The following SOX5 variants were observed in gnomAD, a reference collection of about 807,000 sequenced individuals.
The protein encoded by SOX5 is transcription factor SOX-5.
SOX5 carries 9 observed loss-of-function variants against 92.0 expected under a neutral mutation model. The observed-to-expected ratio is 0.10, with a 90% CI of 0.06 to 0.17. SOX5 has a LOEUF of 0.17. Ranked by LOEUF, SOX5 falls within the 10% of genes least tolerant of loss-of-function variation. The probability of loss-of-function intolerance (pLI) is 1.00; values close to 1 mark genes in which losing one functional copy is unlikely to be tolerated. For missense variants in SOX5, 642 were observed against 944.5 expected (o/e 0.68, Z 4.20); for synonymous variants, 344 against 336.3 (o/e 1.02, Z -0.25).
chr12:24,397,268 A>C (rs1233977444), intron 1 of SOX5, among the ~76,000 whole-genome samples: 1 of 152,144 alleles, frequency 6.6e-6, no homozygotes, highest in African/African-American at 2.4e-5. Context: ...TGAAAAAGTA[A>C]ATACTATTTC....
intron 4 of SOX5, among the ~76,000 whole-genome samples, chr12:24,085,285 T>C (rs1475938684): frequency 6.6e-6 from 1 of 152,112 alleles, no homozygotes. Flanking sequence ...CTACACAATG[T>C]AATGTGGGCT....
intron 1 of SOX5, among the ~76,000 whole-genome samples, chr12:24,539,754 T>C (rs984483703): frequency 4.6e-5 from 7 of 152,058 alleles, no homozygotes; most frequent in Non-Finnish European, 8.8e-5. Context: ...TGGGAGGAAA[T>C]GGTGAATTTC....
chr12:24,072,766 A>C (rs1398502773), intron 4 of SOX5, among the ~76,000 whole-genome samples: 1 of 152,222 alleles, frequency 6.6e-6, no homozygotes. Context: ...ATGCCTTAAA[A>C]ATTAGCTATA....
At chr12:23,781,759 GTCTT>G (rs1200274858) in intron 3 of SOX5, among the ~76,000 whole-genome samples, 7 of 152,054 alleles carry the variant, frequency 4.6e-5, no homozygotes, top group African/African-American at 1.4e-4. Context: ...AACACAATCA[GTCTT>G]TCTTTGGAAA....
Position 24,124,576 on chromosome 12 carries a change from G to GA in SOX5, c.-2+88766dup, listed in dbSNP as rs199808317. Among the ~76,000 whole-genome samples, 502 of 123,998 alleles carry GA rather than the reference G, an allele frequency of 4.0e-3. 24 individuals are homozygous for GA. The East Asian group carries it at 0.093, about 23-fold the overall frequency. The allele number at this position is 123,998 out of a possible 152,430, so 81.3% of individuals were successfully genotyped here. A position where few individuals can be genotyped will look rare whatever the true frequency, so the allele number is the denominator to read the frequency against. On this transcript the variant is annotated intron_variant, in intron 4 of 4. Transcript: ENST00000446891. ...GAGGAATGGGACAAAAAAAAAAAAAGAAAAAAAGAAAAAGAAAAGGATTTT... is the reference window on the plus strand; with the variant it reads ...GAGGAATGGGACAAAAAAAAAAAAAGAAAAAAAAGAAAAAGAAAAGGATTTT...
intron 9 of SOX5, among the ~76,000 whole-genome samples, chr12:23,579,465 C>T (rs149900995): frequency 6.6e-6 from 1 of 152,022 alleles, no homozygotes; most frequent in African/African-American, 2.4e-5. Flanking sequence ...CAATTTTGTT[C>T]TTTTAATAAT....
intron 6 of SOX5, among the ~76,000 whole-genome samples, chr12:23,690,508 C>T (rs896372413): frequency 4.6e-5 from 7 of 152,194 alleles, no homozygotes; most frequent in African/African-American, 1.7e-4. Flanking sequence ...ACTCTTCATG[C>T]CTACTTATTT....
At chr12:24,074,680 T>C (rs1390402567) in intron 4 of SOX5, among the ~76,000 whole-genome samples, 1 of 148,410 alleles carries the variant, frequency 6.7e-6, no homozygotes, top group Non-Finnish European at 1.5e-5. Context: ...AAGTCTTAAT[T>C]TTTTCACATG....
intron 10 of SOX5, among the ~76,000 whole-genome samples, chr12:23,570,865 T>G (rs1360414497): frequency 7.6e-6 from 1 of 131,076 alleles, no homozygotes; most frequent in East Asian, 2.3e-4. Flanking sequence ...GAGCCAAGAT[T>G]GCGCCACTGC....
chr12:24,379,047 T>C (rs1017369914), intron 1 of SOX5, among the ~76,000 whole-genome samples: 13 of 152,186 alleles, frequency 8.5e-5, no homozygotes, highest in African/African-American at 2.2e-4. Flanking sequence ...CTCTTACCCA[T>C]TGGAACACGG....
intron 2 of SOX5, among the ~76,000 whole-genome samples, chr12:23,874,363 G>A (rs146807305): frequency 0.025 from 3,865 of 152,244 alleles, 63 homozygotes; most frequent in South Asian, 0.039. Context: ...TGCTGATTGT[G>A]GACTTGAGGC....
chr12:23,720,039 G>C (rs1482331510), intron 6 of SOX5, among the ~76,000 whole-genome samples: 1 of 152,178 alleles, frequency 6.6e-6, no homozygotes, highest in Non-Finnish European at 1.5e-5. Context: ...GATCATGCTT[G>C]TAATGCATTT....
At chr12:24,532,786 A>G (rs144226239) in intron 1 of SOX5, among the ~76,000 whole-genome samples, 26 of 152,324 alleles carry the variant, frequency 1.7e-4, no homozygotes, top group African/African-American at 6.0e-4. Flanking sequence ...TTCCTAAATG[A>G]TTTCATAATG....
intron 8 of SOX5, among the ~76,000 whole-genome samples, chr12:23,615,171 T>C (rs908890948): frequency 6.6e-5 from 10 of 152,168 alleles, no homozygotes; most frequent in African/African-American, 2.4e-4. Flanking sequence ...AAGTGGTATC[T>C]CGTAGTTTTA....
chr12:24,073,864 A>C (rs1942130590), intron 4 of SOX5, among the ~76,000 whole-genome samples: 1 of 152,208 alleles, frequency 6.6e-6, no homozygotes, highest in South Asian at 2.1e-4. Context: ...ATAGACAATA[A>C]ATTTTATTTA....
At chr12:24,452,210 A>G (rs1006657749) in intron 1 of SOX5, among the ~76,000 whole-genome samples, 6 of 152,238 alleles carry the variant, frequency 3.9e-5, no homozygotes, top group African/African-American at 1.4e-4. Context: ...ATCTCAGTGT[A>G]TTCTGGCTTC....
chr12:23,894,902 AG>A (rs2097162253), intron 2 of SOX5, among the ~76,000 whole-genome samples: 1 of 152,164 alleles, frequency 6.6e-6, no homozygotes, highest in Non-Finnish European at 1.5e-5. Context: ...AAAGTAGAAA[AG>A]GTGGAGCAGT....
intron 1 of SOX5, among the ~76,000 whole-genome samples, chr12:24,381,624 GA>G (rs1232572052): frequency 6.6e-6 from 1 of 152,156 alleles, no homozygotes; most frequent in African/African-American, 2.4e-5. Flanking sequence ...CTTATATTTA[GA>G]AATTGCCCTT....
At chr12:23,997,012 G>T (rs1054718689) in intron 4 of SOX5, among the ~76,000 whole-genome samples, 2 of 152,058 alleles carry the variant, frequency 1.3e-5, no homozygotes, top group African/African-American at 4.8e-5. Context: ...GAGTCTTTTT[G>T]AATGGCCACA....
Sources: allele counts gnomAD v4.1 joint callset (sites outside exome capture counted in the v4.1 genomes callset), GRCh38; gene constraint gnomAD v4.1.1; transcripts MANE v1.5; gene names NCBI Gene and HGNC (gene_info 2026-07-23, HGNC 2026-07-21).